The following CRIM1 variants were observed in gnomAD, a reference collection of about 807,000 sequenced individuals.
CRIM1 encodes cysteine rich transmembrane BMP regulator 1.
CRIM1 carries 32 observed loss-of-function variants against 116.4 expected under a neutral mutation model. That is an observed-to-expected ratio of 0.27 (90% CI 0.21 to 0.37). The LOEUF (loss-of-function observed/expected upper bound fraction) is 0.37. CRIM1 is among the 10% of genes least tolerant of loss of function. The pLI is 1.00. For synonymous variants in CRIM1, 590 were observed against 509.2 expected, an observed-to-expected ratio of 1.16 and a Z score of -2.13; for missense variants, 1,331 against 1,354.8, an observed-to-expected ratio of 0.98 and a Z score of 0.28.
intron 1 of CRIM1, among the ~76,000 whole-genome samples, chr2:36,389,588 G>A (rs997639526): frequency 1.3e-5 from 2 of 152,158 alleles, no homozygotes; most frequent in African/African-American, 4.8e-5. Flanking sequence ...TCTGGTAAGT[G>A]GATTGCCATA....
In CRIM1 at chr2:36,384,961, G is replaced by A. The variant is rs146131459; in HGVS notation, c.332-11653G>A. Among the ~76,000 whole-genome samples the A allele has an allele frequency of 7.9e-5, 12 of 152,216 alleles. No individual in the cohort carries two copies. The East Asian group carries it at 2.3e-3, about 29-fold the overall frequency. On this transcript the variant is annotated intron_variant, in intron 1 of 16. Transcript: ENST00000280527. ...GATGAAACTGGGCAACTAGGAAATG[G>A]TATGCCGTACATATGAAGCACTGTT...
Position 36,529,309 on chromosome 2 carries a change from C to G in CRIM1, c.2428+6996C>G, listed in dbSNP as rs146754151. 622 of 390,526 alleles carry G rather than the reference C, an allele frequency of 1.6e-3. 2 individuals carry two copies. Among genetic ancestry groups the G allele is most frequent in the African/African-American group, 0.012 (556 of 47,782 alleles). The allele number at this position is 390,526 out of a possible 1,614,324, so 24.2% of individuals were successfully genotyped here. A position where few individuals can be genotyped will look rare whatever the true frequency, so the allele number is the denominator to read the frequency against. ...CCAGATAAAACATCTTCTATAGGTG[C>G]AGAAACTGGCCAATCTGGAAGGTCC... On this transcript the variant is annotated intron_variant, in intron 13 of 16. Coordinates refer to ENST00000280527, the MANE Select transcript of CRIM1 (RefSeq NM_016441.3).
chr2:36,411,378 C>G (rs1170927084), intron 2 of CRIM1, among the ~76,000 whole-genome samples: 1 of 152,084 alleles, frequency 6.6e-6, no homozygotes, highest in East Asian at 1.9e-4. Flanking sequence ...TTTGATATAT[C>G]AAGAACTAAA....
rs1332192512 is a variant in CRIM1, at chr2:36,550,175, T to G, written c.*1474T>G. On this transcript the variant is annotated 3_prime_UTR_variant, in exon 17 of 17. Transcript: ENST00000280527. ...ATTTGCTTTCAGTTGGTTTTCAATT[T>G]GCTCACTGGCCAGAGACATTGATGG... 2.0e-5 allele frequency: 3 copies of G among 152,490 alleles called. No homozygotes were observed. Among genetic ancestry groups the G allele is most frequent in the Non-Finnish European group, 4.4e-5 (3 of 68,022 alleles). 9.4% of individuals were successfully genotyped at this position (152,490 alleles called of 1,614,324 possible).
chr2:36,444,097 G>A (rs1676065506), intron 4 of CRIM1, among the ~76,000 whole-genome samples: 1 of 152,200 alleles, frequency 6.6e-6, no homozygotes, highest in Non-Finnish European at 1.5e-5. Flanking sequence ...AAGGAAGGTG[G>A]TACATTATAT....
chr2:36,367,631 T>C (rs1669685256), intron 1 of CRIM1, among the ~76,000 whole-genome samples: 1 of 152,166 alleles, frequency 6.6e-6, no homozygotes, highest in Non-Finnish European at 1.5e-5. Context: ...GAATATTACC[T>C]TGTGTTTGCA....
chr2:36,472,906 G>T (rs1426755388), intron 5 of CRIM1, among the ~76,000 whole-genome samples: 1 of 152,178 alleles, frequency 6.6e-6, no homozygotes, highest in African/African-American at 2.4e-5. Context: ...AGAATTCTGA[G>T]CCATGGTAAG....
At chr2:36,540,247 G>A (rs1666857591) in intron 14 of CRIM1, among the ~76,000 whole-genome samples, 1 of 152,198 alleles carries the variant, frequency 6.6e-6, no homozygotes, top group Admixed American at 6.5e-5. Flanking sequence ...CAGAAGTACA[G>A]TGGTGGAGGC....
At chr2:36,408,488 G>T (rs1005644151) in intron 2 of CRIM1, among the ~76,000 whole-genome samples, 11 of 152,164 alleles carry the variant, frequency 7.2e-5, no homozygotes, top group African/African-American at 1.9e-4. Context: ...TGGAATCCCA[G>T]CCCGGGAGGC....
At chr2:36,406,239 A>C (rs1274458797) in intron 2 of CRIM1, among the ~76,000 whole-genome samples, 1 of 152,240 alleles carries the variant, frequency 6.6e-6, no homozygotes, top group African/African-American at 2.4e-5. Context: ...AGTCGTTACA[A>C]ATTATCACCA....
At chr2:36,521,162 G>T (rs1175617597) in intron 12 of CRIM1, among the ~76,000 whole-genome samples, 1 of 152,148 alleles carries the variant, frequency 6.6e-6, no homozygotes, top group African/African-American at 2.4e-5. Flanking sequence ...GGAAACCGAT[G>T]CCCAAAGTGC....
intron 2 of CRIM1, among the ~76,000 whole-genome samples, chr2:36,423,002 C>T (rs1213053251): frequency 1.3e-5 from 2 of 152,050 alleles, no homozygotes; most frequent in African/African-American, 2.4e-5. Context: ...ATATAAGTAG[C>T]GTATATAATG....
At chr2:36,394,828 C>A (rs1028644315) in intron 1 of CRIM1, among the ~76,000 whole-genome samples, 2 of 152,042 alleles carry the variant, frequency 1.3e-5, no homozygotes, top group Admixed American at 6.5e-5. Context: ...TCTATTCTCC[C>A]TTTTCAAAGG....
chr2:36,377,662 G>A (rs1215985755), intron 1 of CRIM1, among the ~76,000 whole-genome samples: 1 of 152,158 alleles, frequency 6.6e-6, no homozygotes, highest in Non-Finnish European at 1.5e-5. Context: ...CACAGTAAAT[G>A]TACATTGTCA....
chr2:36,399,770 A>G (rs570203057), intron 2 of CRIM1, among the ~76,000 whole-genome samples: 1 of 152,366 alleles, frequency 6.6e-6, no homozygotes, highest in East Asian at 1.9e-4. Flanking sequence ...TAAAAAGGAC[A>G]AAATTGTTTG....
At chr2:36,543,249 G>C (rs564402382) in intron 14 of CRIM1, among the ~76,000 whole-genome samples, 11 of 152,098 alleles carry the variant, frequency 7.2e-5, no homozygotes, top group African/African-American at 2.7e-4. Context: ...TCTTTCCCTG[G>C]CTGGGTACCC....
intron 14 of CRIM1, among the ~76,000 whole-genome samples, chr2:36,543,751 G>A (rs1254900834): frequency 6.8e-6 from 1 of 147,682 alleles, no homozygotes; most frequent in African/African-American, 2.7e-5. Flanking sequence ...TTTGTTTTAT[G>A]TTGTAGTATA....
At chr2:36,382,320 AC>A (rs1182914171) in intron 1 of CRIM1, among the ~76,000 whole-genome samples, 2 of 152,198 alleles carry the variant, frequency 1.3e-5, no homozygotes, top group Non-Finnish European at 2.9e-5. Context: ...TTTCTGAAAC[AC>A]CTGTTTTAAG....
At chr2:36,533,161 A>G (rs1339993058) in intron 13 of CRIM1, among the ~76,000 whole-genome samples, 3 of 152,198 alleles carry the variant, frequency 2.0e-5, no homozygotes, top group Non-Finnish European at 4.4e-5. Context: ...ATTTTAATTT[A>G]TAGAACCTCG....
Sources: gnomAD v4.1 joint callset for allele counts (sites outside exome capture counted in the v4.1 genomes callset) on GRCh38, gnomAD v4.1.1 for gene constraint, MANE v1.5 for transcripts, NCBI Gene and HGNC (gene_info 2026-07-23, HGNC 2026-07-21) for gene names.